Variants in RBFOX1 observed in about 807,000 individuals in gnomAD.
RBFOX1 encodes RNA binding protein fox-1 homolog 1.
In RBFOX1, 8 loss-of-function variants were observed where a neutral mutation model predicts 57.7. The ratio of observed to expected loss-of-function variants is 0.14; its 90% CI spans 0.08 to 0.25. The LOEUF (loss-of-function observed/expected upper bound fraction) is 0.25, where lower values mean the gene tolerates loss of function less well. Among genes scored for constraint, RBFOX1 ranks in the 10% least tolerant of loss-of-function variants. RBFOX1 has a pLI of 1.00. For missense variants in RBFOX1, 611 were observed against 548.5 expected, an observed-to-expected ratio of 1.11 and a Z score of -1.14; for synonymous variants, 326 against 222.4, an observed-to-expected ratio of 1.47 and a Z score of -4.15.
chr16:6,671,833 G>C (rs1393621785), intron 3 of RBFOX1, among the ~76,000 whole-genome samples: 1 of 152,192 alleles, frequency 6.6e-6, no homozygotes, highest in East Asian at 1.9e-4. Flanking sequence ...CATCGAATCA[G>C]CGTATCCCAG....
chr16:7,466,350 GC>G (rs531133831), intron 4 of RBFOX1, among the ~76,000 whole-genome samples: 228 of 151,926 alleles, frequency 1.5e-3, no homozygotes, highest in African/African-American at 5.3e-3. Flanking sequence ...CTTATTTCAT[GC>G]CAAGCTAGCG....
At chr16:7,419,490 C>G (rs938537695) in intron 4 of RBFOX1, among the ~76,000 whole-genome samples, 1 of 152,222 alleles carries the variant, frequency 6.6e-6, no homozygotes, top group Non-Finnish European at 1.5e-5. Context: ...TGTGCCTTGT[C>G]AGGCCCACCA....
intron 1 of RBFOX1, among the ~76,000 whole-genome samples, chr16:6,147,713 T>G (rs2096769229): frequency 6.6e-6 from 1 of 152,216 alleles, no homozygotes. Flanking sequence ...TACGTTCAAC[T>G]CAAAAGCCTC....
chr16:5,977,869 A>G (rs996891556), intron 4 of RBFOX1, among the ~76,000 whole-genome samples: 5 of 152,088 alleles, frequency 3.3e-5, no homozygotes, highest in Non-Finnish European at 2.9e-5. Flanking sequence ...GTCGAAATTT[A>G]TGAACATCAC....
At position 6,745,351 on chromosome 16, in the gene RBFOX1, C is replaced by T. The variant is rs568755473; in HGVS notation, c.-16+90701C>T. On this transcript the variant is annotated intron_variant, in intron 3 of 15. Transcript: ENST00000550418. ...CCAGGAAAAAATTCACAAGAAAAAA[C>T]CCCCGAAACCACAGACTAGTCTTCC... Among the ~76,000 whole-genome samples, 7 of 151,756 alleles carry T rather than the reference C, an allele frequency of 4.6e-5. No homozygotes were observed. In the East Asian group the frequency reaches 7.7e-4, roughly 17 times the overall value.
At chr16:6,175,550 T>C (rs528102107) in intron 1 of RBFOX1, among the ~76,000 whole-genome samples, 2 of 152,294 alleles carry the variant, frequency 1.3e-5, no homozygotes, top group South Asian at 4.1e-4. Flanking sequence ...TTGTAATGGT[T>C]GCGCTTTTGT....
intron 4 of RBFOX1, among the ~76,000 whole-genome samples, chr16:7,409,254 C>T (rs1197980644): frequency 1.3e-5 from 2 of 152,138 alleles, no homozygotes; most frequent in South Asian, 4.1e-4. Context: ...TAATGTCAAC[C>T]CTGTTAGAGG....
downstream of RBFOX1, among the ~76,000 whole-genome samples, chr16:5,600,336 A>G (rs2047325327): frequency 6.6e-6 from 1 of 151,060 alleles, no homozygotes; most frequent in Admixed American, 6.6e-5. Flanking sequence ...ACAAAACCAA[A>G]TTAGCTGAGC....
intron 4 of RBFOX1, among the ~76,000 whole-genome samples, chr16:7,139,172 C>CTG (rs1466048089): frequency 0.01 from 172 of 16,586 alleles, 1 homozygote; most frequent in African/African-American, 0.035. Context: ...AAATCAATCT[C>CTG]TCTCTGTGTG....
At chr16:5,597,969 T>C (rs575558458) in intron 2 of RBFOX1, among the ~76,000 whole-genome samples, 15 of 152,260 alleles carry the variant, frequency 9.9e-5, no homozygotes, top group Admixed American at 8.5e-4. Flanking sequence ...TACTTCTTAA[T>C]ACCCTAGTAA....
At chr16:5,919,703 C>T (rs959353832) in intron 4 of RBFOX1, among the ~76,000 whole-genome samples, 6 of 152,182 alleles carry the variant, frequency 3.9e-5, no homozygotes, top group Non-Finnish European at 8.8e-5. Context: ...TGTGCCACCA[C>T]CACCTTGATC....
chr16:5,651,782 A>T (rs184117709), intron 3 of RBFOX1, among the ~76,000 whole-genome samples: 2 of 152,332 alleles, frequency 1.3e-5, no homozygotes, highest in African/African-American at 4.8e-5. Context: ...TCTGAACAAT[A>T]TTGTTGTCCA....
rs142371697 is a variant in RBFOX1 at position 7,615,351 on chromosome 16, A to C, written c.676+8013A>C. ...CCATCTCAAAATAATAATAATAATA[A>C]TAATAATGAATGAAAACACATTTGC... is the stretch of plus-strand genomic sequence containing the variant. On this transcript the variant is annotated intron_variant, in intron 10 of 15. Coordinates refer to ENST00000550418, the MANE Select transcript of RBFOX1 (RefSeq NM_018723.4). Among the ~76,000 whole-genome samples the C allele has an allele frequency of 5.7e-3, 861 of 152,080 alleles. 4 individuals are homozygous for C. Among genetic ancestry groups the C allele is most frequent in the African/African-American group, 0.019 (770 of 41,466 alleles).
At chr16:6,746,185 C>T (rs1186683544) in intron 3 of RBFOX1, among the ~76,000 whole-genome samples, 1 of 152,018 alleles carries the variant, frequency 6.6e-6, no homozygotes, top group African/African-American at 2.4e-5. Context: ...ATCTTAGTCT[C>T]CCCTAATTGA....
chr16:7,596,754 A>G (rs1260099982), intron 8 of RBFOX1, among the ~76,000 whole-genome samples: 1 of 152,036 alleles, frequency 6.6e-6, no homozygotes, highest in Non-Finnish European at 1.5e-5. Flanking sequence ...CAGATTGTTA[A>G]CCCCATATTG....
intron 4 of RBFOX1, chr16:7,510,372 G>A: frequency 1.0e-6 from 1 of 975,516 alleles, no homozygotes; most frequent in African/African-American, 1.8e-5. Flanking sequence ...GAATGAAGCT[G>A]AAAGCTTTTC....
intron 3 of RBFOX1, among the ~76,000 whole-genome samples, chr16:6,737,383 G>C (rs537599178): frequency 6.6e-6 from 1 of 152,272 alleles, no homozygotes; most frequent in South Asian, 2.1e-4. Context: ...GTAAAGACTA[G>C]AAGAAATATT....
At chr16:7,441,484 G>A (rs770952697) in intron 4 of RBFOX1, among the ~76,000 whole-genome samples, 38 of 152,144 alleles carry the variant, frequency 2.5e-4, no homozygotes, top group Non-Finnish European at 5.0e-4. Flanking sequence ...GCGTCACTGG[G>A]TAGTGGTAAA....
At chr16:6,328,194 C>T (rs1224387848) in intron 2 of RBFOX1, among the ~76,000 whole-genome samples, 3 of 152,050 alleles carry the variant, frequency 2.0e-5, no homozygotes, top group East Asian at 1.9e-4. Flanking sequence ...AACAAAATAT[C>T]GTATGTTCTG....
Sources: gnomAD v4.1 joint callset for allele counts (sites outside exome capture counted in the v4.1 genomes callset) on GRCh38, gnomAD v4.1.1 for gene constraint, MANE v1.5 for transcripts, NCBI Gene and HGNC (gene_info 2026-07-23, HGNC 2026-07-21) for gene names.